Variants in SEZ6L observed in about 807,000 individuals in gnomAD.
The protein encoded by SEZ6L is seizure related 6 homolog like.
Under a neutral mutation model 106.2 loss-of-function variants are expected in SEZ6L, and 37 were observed. The observed-to-expected ratio is 0.35, with a 90% CI of 0.27 to 0.46. The LOEUF (loss-of-function observed/expected upper bound fraction) is 0.46. Ranked by LOEUF, SEZ6L falls within the 20% of genes least tolerant of loss-of-function variation. SEZ6L has a pLI of 1.00. For synonymous variants in SEZ6L, 541 were observed against 570.4 expected, an observed-to-expected ratio of 0.95 and a Z score of 0.73; for missense variants, 1,172 against 1,332.8, an observed-to-expected ratio of 0.88 and a Z score of 1.88.
chr22:26,173,286 C>A (rs114032528), intron 1 of SEZ6L, among the ~76,000 whole-genome samples: 1 of 152,172 alleles, frequency 6.6e-6, no homozygotes, highest in African/African-American at 2.4e-5. Context: ...CAAATCTCTG[C>A]GATTGGCATG....
intron 1 of SEZ6L, among the ~76,000 whole-genome samples, chr22:26,247,963 C>T (rs2079420077): frequency 1.3e-5 from 2 of 152,174 alleles, no homozygotes; most frequent in Non-Finnish European, 2.9e-5. Flanking sequence ...ATGTCCCTGC[C>T]TGCCCTCAGC....
intron 9 of SEZ6L, among the ~76,000 whole-genome samples, chr22:26,332,394 C>T (rs1039471226): frequency 5.9e-5 from 9 of 152,022 alleles, no homozygotes; most frequent in Admixed American, 3.9e-4. Flanking sequence ...AGGTTATTCA[C>T]TCACCTCGGC....
At chr22:26,337,122 A>T (rs1478746797) in intron 9 of SEZ6L, among the ~76,000 whole-genome samples, 1 of 151,992 alleles carries the variant, frequency 6.6e-6, no homozygotes, top group African/African-American at 2.4e-5. Flanking sequence ...TAGACGAGGA[A>T]TATTAAGGCT....
intron 1 of SEZ6L, among the ~76,000 whole-genome samples, chr22:26,230,569 C>A (rs964488719): frequency 6.6e-6 from 1 of 152,188 alleles, no homozygotes; most frequent in African/African-American, 2.4e-5. Context: ...ATTCAGCACA[C>A]AGCTAGATAA....
chr22:26,197,335 G>A (rs1255216275), intron 1 of SEZ6L, among the ~76,000 whole-genome samples: 7 of 152,176 alleles, frequency 4.6e-5, no homozygotes, highest in Admixed American at 3.9e-4. Flanking sequence ...ACATTGCTAC[G>A]TGTACATTTA....
intron 6 of SEZ6L, among the ~76,000 whole-genome samples, chr22:26,308,935 T>G (rs1342938965): frequency 6.6e-6 from 1 of 152,124 alleles, no homozygotes; most frequent in Non-Finnish European, 1.5e-5. Flanking sequence ...TCATCAGGAA[T>G]CAGAAGACTA....
At chr22:26,234,339 G>A (rs1297109391) in intron 1 of SEZ6L, among the ~76,000 whole-genome samples, 1 of 152,216 alleles carries the variant, frequency 6.6e-6, no homozygotes, top group Non-Finnish European at 1.5e-5. Flanking sequence ...AGGAAATAAT[G>A]GGGCCAGCAG....
chr22:26,251,826 T>C (rs1022247140), intron 1 of SEZ6L, among the ~76,000 whole-genome samples: 7 of 152,216 alleles, frequency 4.6e-5, no homozygotes, highest in Admixed American at 3.3e-4. Flanking sequence ...AAGTCTTGCC[T>C]GATAGAGCAA....
In SEZ6L at chr22:26,169,705, C is replaced by T; in HGVS notation, c.36C>T (p.Arg12=). The T allele has an allele frequency of 2.3e-6, 3 of 1,311,064 alleles. No individual in the cohort carries two copies. The highest frequency in any genetic ancestry group is 2.2e-5 in the South Asian group (1 of 45,216). The allele number at this position is 1,311,064 out of a possible 1,614,324, so 81.2% of individuals were successfully genotyped here. A position where few individuals can be genotyped will look rare whatever the true frequency, so the allele number is the denominator to read the frequency against. The change falls in exon 1 of 17, where the codon CGC becomes CGT. Residue 12 remains arginine (R), a synonymous_variant. Coordinates refer to ENST00000248933, the MANE Select transcript of SEZ6L (RefSeq NM_021115.5). ...PAARPPAAGL[R]GISLFLALLL... is the part of the protein sequence containing the mutation. ...CCCGGCCGCCCGCCGCGGGACTCCG[C>T]GGGATCTCGCTGTTCCTCGCTCTGC...
chr22:26,272,012 C>T (rs1023488045), intron 1 of SEZ6L, among the ~76,000 whole-genome samples: 1 of 152,198 alleles, frequency 6.6e-6, no homozygotes, highest in Non-Finnish European at 1.5e-5. Flanking sequence ...GAATGAACTA[C>T]CACTGCATGC....
chr22:26,250,133 G>A (rs1335903996), intron 1 of SEZ6L, among the ~76,000 whole-genome samples: 4 of 152,052 alleles, frequency 2.6e-5, no homozygotes, highest in Non-Finnish European at 5.9e-5. Context: ...TCACTCTGTT[G>A]ATTGTTTTCT....
At chr22:26,260,569 A>G (rs2079968691) in intron 1 of SEZ6L, among the ~76,000 whole-genome samples, 1 of 152,184 alleles carries the variant, frequency 6.6e-6, no homozygotes, top group African/African-American at 2.4e-5. Flanking sequence ...TATTACATAT[A>G]GGCATAGATA....
intron 1 of SEZ6L, among the ~76,000 whole-genome samples, chr22:26,270,302 A>G (rs1280044153): frequency 1.3e-5 from 2 of 152,176 alleles, no homozygotes; most frequent in Non-Finnish European, 2.9e-5. Context: ...GTAACACTAG[A>G]CAAGTCACCT....
chr22:26,310,238 T>A (rs1213199956), intron 6 of SEZ6L, among the ~76,000 whole-genome samples: 1 of 152,104 alleles, frequency 6.6e-6, no homozygotes, highest in Non-Finnish European at 1.5e-5. Flanking sequence ...TCTGAGCACA[T>A]AAGAGGTAAA....
intron 1 of SEZ6L, among the ~76,000 whole-genome samples, chr22:26,226,721 C>A (rs1309136579): frequency 1.3e-5 from 2 of 152,172 alleles, no homozygotes; most frequent in African/African-American, 4.8e-5. Context: ...GCCTTCCTTG[C>A]ACCCAGGAAT....
At chr22:26,235,468 G>T (rs897402245) in intron 1 of SEZ6L, among the ~76,000 whole-genome samples, 3 of 152,192 alleles carry the variant, frequency 2.0e-5, no homozygotes, top group Non-Finnish European at 4.4e-5. Flanking sequence ...AGCCACTGCT[G>T]CTGCCCTCAG....
chr22:26,354,877 C>G (rs528806483), intron 12 of SEZ6L, among the ~76,000 whole-genome samples: 2 of 152,156 alleles, frequency 1.3e-5, no homozygotes, highest in Non-Finnish European at 2.9e-5. Context: ...ACGAGCCACG[C>G]GGGGTGTCAG....
chr22:26,332,145 A>ATGT (rs1246470115), intron 9 of SEZ6L, among the ~76,000 whole-genome samples: 4 of 121,752 alleles, frequency 3.3e-5, no homozygotes, highest in African/African-American at 1.3e-4. Flanking sequence ...AGGATTTTCA[A>ATGT]TGTTTTTTTT....
chr22:26,257,780 C>G (rs746130092), intron 1 of SEZ6L, among the ~76,000 whole-genome samples: 15 of 152,156 alleles, frequency 9.9e-5, no homozygotes, highest in Non-Finnish European at 1.9e-4. Flanking sequence ...GCTCACCGAT[C>G]TGGAGGGAGT....
Sources: allele counts gnomAD v4.1 joint callset (sites outside exome capture counted in the v4.1 genomes callset), GRCh38; gene constraint gnomAD v4.1.1; transcripts MANE v1.5; gene names NCBI Gene and HGNC (gene_info 2026-07-23, HGNC 2026-07-21).